Variants in SHISA9 observed in about 807,000 individuals in gnomAD.
SHISA9 encodes the protein shisa family member 9.
SHISA9 carries 13 observed loss-of-function variants against 38.0 expected under a neutral mutation model. That is an observed-to-expected ratio of 0.34 (90% CI 0.22 to 0.54). The LOEUF (loss-of-function observed/expected upper bound fraction) is 0.54, where lower values mean the gene tolerates loss of function less well. Ranked by LOEUF, SHISA9 falls within the 20% of genes least tolerant of loss-of-function variation. The pLI, the probability that SHISA9 is intolerant of heterozygous loss-of-function variation, is 0.91. For missense variants in SHISA9, 538 were observed against 575.8 expected, an observed-to-expected ratio of 0.93 and a Z score of 0.67; for synonymous variants, 275 against 242.0, an observed-to-expected ratio of 1.14 and a Z score of -1.27.
chr16:13,188,649 C>T (rs527559609), intron 2 of SHISA9, among the ~76,000 whole-genome samples: 2 of 136,102 alleles, frequency 1.5e-5, no homozygotes, highest in South Asian at 2.4e-4. Flanking sequence ...CCTAGGAAGT[C>T]GAGGGTGCTG....
At chr16:13,173,533 A>G (rs2050706257) in intron 2 of SHISA9, among the ~76,000 whole-genome samples, 1 of 150,024 alleles carries the variant, frequency 6.7e-6, no homozygotes, top group Non-Finnish European at 1.5e-5. Flanking sequence ...AATCTAGATC[A>G]GCAGTTCTTA....
At chr16:13,362,428 A>C in the SHISA9 span, among the ~76,000 whole-genome samples, 4 of 152,108 alleles carry the variant, frequency 2.6e-5, no homozygotes, top group East Asian at 7.7e-4. Flanking sequence ...ACCCTGTCTC[A>C]GACCAAAAAA....
At chr16:12,908,600 G>A (rs755073054) in intron 1 of SHISA9, 27 of 1,551,410 alleles carry the variant, frequency 1.7e-5, no homozygotes, top group African/African-American at 5.5e-5. Flanking sequence ...ATCCTTGGCC[G>A]CTAGGCTGCA....
At position 13,073,873 on chromosome 16, in the gene SHISA9, C is replaced by T. The variant is rs1469250938; in HGVS notation, c.692-129521C>T. Among the ~76,000 whole-genome samples, 6 of 151,762 alleles carry T rather than the reference C, an allele frequency of 4.0e-5. No homozygotes were observed. In the South Asian group the frequency reaches 6.2e-4, roughly 16 times the overall value. The stretch of plus-strand genomic sequence containing the variant: ...AGGCATGGGACAGGTTCTCCTGCAG[C>T]GCGTCCAGAAGAAACCAAGTCTGTG... On this transcript the variant is annotated intron_variant, in intron 2 of 4. Coordinates refer to ENST00000558583, the MANE Select transcript of SHISA9 (RefSeq NM_001145204.3).
At chr16:13,442,528 G>A in the SHISA9 span, among the ~76,000 whole-genome samples, 215 of 152,204 alleles carry the variant, frequency 1.4e-3, no homozygotes, top group South Asian at 3.5e-3. Flanking sequence ...GGCTGGTCTC[G>A]AACTGACTTC....
chr16:13,289,650 C>G, the SHISA9 span, among the ~76,000 whole-genome samples: 23,268 of 151,234 alleles, frequency 0.15, 2,049 homozygotes, highest in Non-Finnish European at 0.2. Context: ...GAGTGAGAGT[C>G]AGAGCAAGAG....
chr16:13,150,088 T>G (rs536065102), intron 2 of SHISA9, among the ~76,000 whole-genome samples: 42 of 142,190 alleles, frequency 3.0e-4, no homozygotes, highest in Non-Finnish European at 4.6e-4. Context: ...AAGTCCAGAG[T>G]GTCAACCCTG....
chr16:13,504,168 C>A, the SHISA9 span, among the ~76,000 whole-genome samples: 14 of 152,104 alleles, frequency 9.2e-5, no homozygotes, highest in Non-Finnish European at 2.1e-4. Context: ...AGACCTTTAC[C>A]TTTAGCCCTT....
chr16:13,423,178 C>T, the SHISA9 span, among the ~76,000 whole-genome samples: 10 of 152,214 alleles, frequency 6.6e-5, no homozygotes, highest in African/African-American at 2.4e-4. Context: ...TCCAGGAGCC[C>T]CAGAGGTCAG....
the SHISA9 span, among the ~76,000 whole-genome samples, chr16:13,290,979 C>T: frequency 6.6e-6 from 1 of 152,180 alleles, no homozygotes; most frequent in African/African-American, 2.4e-5. Context: ...CAGCAGCTGT[C>T]TTCTTTTGCG....
chr16:13,065,516 A>G (rs574078726), intron 2 of SHISA9, among the ~76,000 whole-genome samples: 3 of 152,360 alleles, frequency 2.0e-5, no homozygotes, highest in African/African-American at 7.2e-5. Context: ...TTAGCACTTG[A>G]TATAAAAAAT....
At chr16:13,434,430 T>TTGTTTGTTTTGTTTTG in the SHISA9 span, among the ~76,000 whole-genome samples, 4 of 147,518 alleles carry the variant, frequency 2.7e-5, no homozygotes, top group Non-Finnish European at 6.0e-5. Flanking sequence ...TTTTTTTTTT[T>TTGTTTGTTTTGTTTTG]TTTTTGAGAT....
chr16:13,004,677 C>T (rs1266521649), intron 2 of SHISA9, among the ~76,000 whole-genome samples: 2 of 151,820 alleles, frequency 1.3e-5, no homozygotes, highest in Admixed American at 1.3e-4. Flanking sequence ...GTAATCCTAG[C>T]ACTTTGGGAG....
Sources: gnomAD v4.1 joint callset for allele counts (sites outside exome capture counted in the v4.1 genomes callset) on GRCh38, gnomAD v4.1.1 for gene constraint, MANE v1.5 for transcripts, NCBI Gene and HGNC (gene_info 2026-07-23, HGNC 2026-07-21) for gene names.